Variants in LRRC61 observed in about 807,000 individuals in gnomAD.
LRRC61 encodes leucine-rich repeat-containing protein 61.
LRRC61 carries 9 observed loss-of-function variants against 15.1 expected under a neutral mutation model. The ratio of observed to expected loss-of-function variants is 0.60; its 90% CI spans 0.36 to 1.04. The LOEUF (loss-of-function observed/expected upper bound fraction) is 1.04, where lower values mean the gene tolerates loss of function less well. Ranked by LOEUF, LRRC61 falls within the 50% of genes least tolerant of loss-of-function variation. The pLI is 0.01. For missense variants in LRRC61, 344 were observed against 335.6 expected (o/e 1.03, Z -0.20); for synonymous variants, 173 against 158.6 (o/e 1.09, Z -0.68).
rs763938631 is a variant in LRRC61, at chr7:150,330,481, T to TC, written c.-145+4473dup. The TC allele has an allele frequency of 1.6e-4, 126 of 780,128 alleles. No individual in the cohort carries two copies. The highest frequency in any genetic ancestry group is 1.5e-3 in the African/African-American group (90 of 59,258). 48.3% of individuals were successfully genotyped at this position (780,128 alleles called of 1,614,324 possible). Reference sequence around the variant, plus strand: ...CCCCAGCTGCGCTACCTGCACATCTTCCTGGAGCAGGTTCACACACACTTT... The same window carrying TC: ...CCCCAGCTGCGCTACCTGCACATCTTCCCTGGAGCAGGTTCACACACACTTT... On this transcript the variant is annotated intron_variant, in intron 2 of 2. Transcript: ENST00000359623. This position sits in a 1 kb window ranked among gnomAD's most constrained non-coding sequence, Gnocchi z 4.6.
At chr7:150,318,636 G>C (rs1359416261), upstream of LRRC61, among the ~76,000 whole-genome samples, 2 of 152,120 alleles carry the variant, frequency 1.3e-5, no homozygotes, top group Non-Finnish European at 2.9e-5. Flanking sequence ...GTGGTGCAGA[G>C]CTGTAGTTCC....
chr7:150,318,024 TG>T, the LRRC61 span, among the ~76,000 whole-genome samples: 5 of 151,896 alleles, frequency 3.3e-5, no homozygotes, highest in Non-Finnish European at 7.4e-5. Flanking sequence ...TGCAAGAAAA[TG>T]GGGATTTCCT....
chr7:150,336,672 G>T, intron 2 of LRRC61, 46 bp from the exon 3 acceptor site: 1 of 707,184 alleles, frequency 1.4e-6, no homozygotes, highest in Non-Finnish European at 2.3e-6. Flanking sequence ...CACCTGCTGC[G>T]TAAGACACAG....
At chr7:150,320,574 C>A (rs1015438920), upstream of LRRC61, among the ~76,000 whole-genome samples, 5 of 152,230 alleles carry the variant, frequency 3.3e-5, no homozygotes, top group African/African-American at 1.2e-4. Context: ...ACCAGGCTGG[C>A]CAATATGGCA....
At chr7:150,309,603 A>T in the LRRC61 span, among the ~76,000 whole-genome samples, 3 of 152,078 alleles carry the variant, frequency 2.0e-5, no homozygotes, top group Admixed American at 2.0e-4. Context: ...ACTCCTTTAA[A>T]TCCTCCTCAT....
Position 150,333,422 on chromosome 7 carries a change from C to G in LRRC61, c.-144-3296C>G, listed in dbSNP as rs1044023715. Among the ~76,000 whole-genome samples, 3 of 152,350 alleles carry G rather than the reference C, an allele frequency of 2.0e-5. No homozygotes were observed. Among genetic ancestry groups the G allele is most frequent in the African/African-American group, 4.8e-5 (2 of 41,582 alleles). On this transcript the variant is annotated intron_variant, in intron 2 of 2. Coordinates refer to ENST00000359623, the MANE Select transcript of LRRC61 (RefSeq NM_001142928.2). The surrounding 1 kb of genome is among the most constrained non-coding windows in gnomAD (Gnocchi z 4.3). ...CCAATGTGCAGGACGGCCTCCACAA[C>G]CAAGGCTCAGCCTGCCCAGATGGCA... is the stretch of plus-strand genomic sequence containing the variant.
intron 2 of LRRC61, among the ~76,000 whole-genome samples, chr7:150,332,904 G>A (rs1798154939): frequency 6.6e-6 from 1 of 152,186 alleles, no homozygotes; most frequent in Non-Finnish European, 1.5e-5. Context: ...GATAGGAGGG[G>A]CAGGGCTTGC....
chr7:150,312,854 C>T, the LRRC61 span, among the ~76,000 whole-genome samples: 1 of 152,138 alleles, frequency 6.6e-6, no homozygotes, highest in African/African-American at 2.4e-5. Context: ...CATTGTAACC[C>T]CTGTGACCTG....
the LRRC61 span, among the ~76,000 whole-genome samples, chr7:150,315,079 TTTA>T: frequency 3.4e-5 from 5 of 147,238 alleles, no homozygotes; most frequent in Non-Finnish European, 7.5e-5. Context: ...TAAGAAAATA[TTTA>T]TTATTTATTA....
upstream of LRRC61, among the ~76,000 whole-genome samples, chr7:150,319,627 A>C (rs1010767657): frequency 6.6e-6 from 1 of 152,274 alleles, no homozygotes; most frequent in Non-Finnish European, 1.5e-5. Context: ...AGATGGAGGC[A>C]AAGCACTTTG....
intron 2 of LRRC61, chr7:150,331,669 T>TGTGTGGATAA (rs1440597093): frequency 6.0e-6 from 1 of 167,434 alleles, no homozygotes; most frequent in Admixed American, 6.5e-5. Context: ...ACACCTTGTC[T>TGTGTGGATAA]GTGTGGATAA....
At position 150,330,211 on chromosome 7, in the gene LRRC61, T is replaced by C; in HGVS notation, c.-145+4201T>C. ...CAGCTCCAGCGCCAGCGCAGCCTCC[T>C]AGCCCACCAGCCCTTTGAGGAGCTC... is the stretch of plus-strand genomic sequence containing the variant. On this transcript the variant is annotated intron_variant, in intron 2 of 2. Transcript: ENST00000359623. This position sits in a 1 kb window ranked among gnomAD's most constrained non-coding sequence, Gnocchi z 4.6. 1.7e-6 allele frequency: 1 copy of C among 597,422 alleles called. No homozygotes were observed. The allele number at this position is 597,422 out of a possible 1,614,324, so 37.0% of individuals were successfully genotyped here.
chr7:150,335,046 AAAG>A lies in LRRC61; in HGVS notation c.-144-1669_-144-1667del, dbSNP rs1278192009. On this transcript the variant is annotated intron_variant, in intron 2 of 2. Transcript: ENST00000359623. The surrounding 1 kb of genome is among the most constrained non-coding windows in gnomAD (Gnocchi z 4.3). ...ACTCTGTCTCAAAAAAAAAAAAAAA[AAAG>A]AAAAAAAGGAGCCCCTGGCATACAG... is the stretch of plus-strand genomic sequence containing the variant. Among the ~76,000 whole-genome samples, 3 of 151,444 alleles carry A rather than the reference AAAG, an allele frequency of 2.0e-5. No homozygotes were observed. Among genetic ancestry groups the A allele is most frequent in the African/African-American group, 7.3e-5 (3 of 41,308 alleles).
At position 150,337,983 on chromosome 7, in the gene LRRC61, A is replaced by G. The variant is rs1585051953; in HGVS notation, c.*342A>G. ...TAGGGATGGGCCAGCCTCCCGTCTC[A>G]GCTGTTGGGAGACAGTAGGCAGGCT... is the stretch of plus-strand genomic sequence containing the variant. On this transcript the variant is annotated 3_prime_UTR_variant, in exon 3 of 3. Coordinates refer to ENST00000359623, the MANE Select transcript of LRRC61 (RefSeq NM_001142928.2). The G allele has an allele frequency of 2.4e-6, 1 of 419,726 alleles. No individual in the cohort carries two copies. The highest frequency in any genetic ancestry group is 4.5e-6 in the Non-Finnish European group (1 of 220,228). 26.0% of individuals were successfully genotyped at this position (419,726 alleles called of 1,614,324 possible).
chr7:150,317,886 G>T, the LRRC61 span, among the ~76,000 whole-genome samples: 47 of 152,034 alleles, frequency 3.1e-4, no homozygotes, highest in South Asian at 9.2e-3. Flanking sequence ...GTTGAATGGG[G>T]TTGGGTTTAT....
In LRRC61 at chr7:150,337,676, G is replaced by A. The variant is rs1366892012; in HGVS notation, c.*35G>A. 4 of 1,513,728 alleles carry A rather than the reference G, an allele frequency of 2.6e-6. No individual in the cohort carries two copies. Among genetic ancestry groups the A allele is most frequent in the Admixed American group, 2.3e-5 (1 of 43,690 alleles). The allele number at this position is 1,513,728 out of a possible 1,614,324, so 93.8% of individuals were successfully genotyped here. ...ATGGCCCAGGACAGCCTGGCAGGTG[G>A]CCTCGCTGCCCCCAGTTCCCCTCTC... is the stretch of plus-strand genomic sequence containing the variant. On this transcript the variant is annotated 3_prime_UTR_variant, in exon 3 of 3. Transcript: ENST00000359623.
chr7:150,318,741 A>G (rs1412009643), upstream of LRRC61, among the ~76,000 whole-genome samples: 1 of 152,224 alleles, frequency 6.6e-6, no homozygotes, highest in Non-Finnish European at 1.5e-5. Flanking sequence ...GTGAGACTCC[A>G]TCTCAACAAC....
Position 150,337,942 on chromosome 7 carries a change from C to T in LRRC61, c.*301C>T. ...TGGAAGGAATTACTTCCTCCTGAGG[C>T]TACAGGCGAGAAAGGTAGGGATGGG... On this transcript the variant is annotated 3_prime_UTR_variant, in exon 3 of 3. Transcript: ENST00000359623. The T allele has an allele frequency of 2.1e-6, 1 of 487,238 alleles. No homozygotes were observed. The highest frequency in any genetic ancestry group is 3.8e-6 in the Non-Finnish European group (1 of 263,958). 30.2% of individuals were successfully genotyped at this position (487,238 alleles called of 1,614,324 possible). A position where few individuals can be genotyped will look rare whatever the true frequency, so the allele number is the denominator to read the frequency against.
chr7:150,337,724 G>A lies in LRRC61; in HGVS notation c.*83G>A. Reference sequence around the variant, plus strand: ...CTCTGCCCCCACACTCGTCTTAGTTGCTTCACACTGGTCACTGGCCCTGCA... The same window carrying A: ...CTCTGCCCCCACACTCGTCTTAGTTACTTCACACTGGTCACTGGCCCTGCA... On this transcript the variant is annotated 3_prime_UTR_variant, in exon 3 of 3. Transcript: ENST00000359623. 7.2e-7 allele frequency: 1 copy of A among 1,390,580 alleles called. No homozygotes were observed. Among genetic ancestry groups the A allele is most frequent in the Non-Finnish European group, 9.7e-7 (1 of 1,036,088 alleles). 86.1% of individuals were successfully genotyped at this position (1,390,580 alleles called of 1,614,324 possible). A position where few individuals can be genotyped will look rare whatever the true frequency, so the allele number is the denominator to read the frequency against.
Sources: allele counts gnomAD v4.1 joint callset (sites outside exome capture counted in the v4.1 genomes callset), GRCh38; gene constraint gnomAD v4.1.1; non-coding constraint Gnocchi (gnomAD v3.1); transcripts MANE v1.5; gene names NCBI Gene and HGNC (gene_info 2026-07-23, HGNC 2026-07-21).